The following GAPVD1 variants were observed in gnomAD, a reference collection of about 807,000 sequenced individuals.
The protein encoded by GAPVD1 is GTPase-activating protein and VPS9 domain-containing protein 1.
A neutral mutation model predicts 155.5 loss-of-function variants in GAPVD1; 35 were observed. The ratio of observed to expected loss-of-function variants is 0.23; its 90% CI spans 0.17 to 0.30. GAPVD1 has a LOEUF of 0.30. GAPVD1 is among the 10% of genes least tolerant of loss of function. The pLI is 1.00. For missense variants in GAPVD1, 1,429 were observed against 1,775.7 expected, an observed-to-expected ratio of 0.80 and a Z score of 3.51; for synonymous variants, 636 against 619.7, an observed-to-expected ratio of 1.03 and a Z score of -0.39.
At chr9:125,288,660 A>C (rs1838111684) in intron 2 of GAPVD1, among the ~76,000 whole-genome samples, 1 of 152,158 alleles carries the variant, frequency 6.6e-6, no homozygotes, top group Admixed American at 6.6e-5. Context: ...TACAAGCGTG[A>C]GCCACCAGGC....
chr9:125,337,065 G>A lies in GAPVD1; in HGVS notation c.2476G>A (p.Ala826Thr). ...TCCTTCTCAGTCAGAGTCTCTGCTG[G>A]CCATGTTTGATCCACTGTCTTCACA... ...SPPSQSESLL[A>T]MFDPLSSHEG... Residue 826 changes from alanine to threonine, a missense_variant, in exon 16 of 28, where the codon GCC (alanine) becomes ACC (threonine). By Grantham distance (58) the Ala-to-Thr change is moderately conservative. Around this residue, in one of 4 missense-constraint regions of GAPVD1, gnomAD observed 699 missense variants for 826.0 expected, o/e 0.85. Transcript: ENST00000297933. 1 of 1,613,104 alleles carries A rather than the reference G, an allele frequency of 6.2e-7. No individual in the cohort carries two copies. Among genetic ancestry groups the A allele is most frequent in the South Asian group, 1.1e-5 (1 of 91,046 alleles).
Position 125,366,419 on chromosome 9 carries a change from G to C in GAPVD1, c.*3673G>C, listed in dbSNP as rs1274563140. On this transcript the variant is annotated 3_prime_UTR_variant, in exon 28 of 28. Coordinates refer to ENST00000297933, the MANE Select transcript of GAPVD1 (RefSeq NM_001282680.3). Reference sequence around the variant, plus strand: ...AAGAGGGAAAGTAGGAATACACTCAGAATTATTACTGGATTGCATAAAAGT... The same window carrying C: ...AAGAGGGAAAGTAGGAATACACTCACAATTATTACTGGATTGCATAAAAGT... The C allele has an allele frequency of 1.3e-5, 2 of 152,208 alleles. No individual in the cohort carries two copies. The highest frequency in any genetic ancestry group is 2.9e-5 in the Non-Finnish European group (2 of 68,036). The allele number at this position is 152,208 out of a possible 1,614,324, so 9.4% of individuals were successfully genotyped here.
At chr9:125,295,279 T>C (rs1008709654) in intron 2 of GAPVD1, among the ~76,000 whole-genome samples, 179 bp from the exon 3 acceptor site, 1 of 152,108 alleles carries the variant, frequency 6.6e-6, no homozygotes, top group Non-Finnish European at 1.5e-5. Context: ...TCTTCAGTAT[T>C]GTAAAAATTT....
intron 27 of GAPVD1, among the ~76,000 whole-genome samples, chr9:125,360,953 C>T (rs1334208947): frequency 2.6e-5 from 4 of 152,174 alleles, no homozygotes; most frequent in Non-Finnish European, 4.4e-5. Flanking sequence ...CCTCCATCTC[C>T]TGGGTTCAAG....
At chr9:125,352,839 G>A (rs145202314) in intron 23 of GAPVD1, among the ~76,000 whole-genome samples, 14 of 152,286 alleles carry the variant, frequency 9.2e-5, no homozygotes, top group Admixed American at 9.1e-4. Flanking sequence ...CAGCATGGTA[G>A]CTCATGCCTG....
At chr9:125,333,361 T>G (rs1333631398) in intron 15 of GAPVD1, among the ~76,000 whole-genome samples, 1 of 151,944 alleles carries the variant, frequency 6.6e-6, no homozygotes, top group Non-Finnish European at 1.5e-5. Flanking sequence ...AGTACAGGTG[T>G]GAGCCACCGC....
In GAPVD1 at chr9:125,301,285, G is replaced by C. The variant is rs1025504474; in HGVS notation, c.186-698G>C. 4.6e-5 allele frequency among the ~76,000 whole-genome samples: 7 copies of C among 152,120 alleles called. No homozygotes were observed. In the South Asian group the frequency reaches 1.5e-3, roughly 32 times the overall value. ...GGGTTTCACCATATTTTCCAGGCTGGTCTTGAACTCCTGGGCTCAAGTGAT... is the reference window on the plus strand; with the variant it reads ...GGGTTTCACCATATTTTCCAGGCTGCTCTTGAACTCCTGGGCTCAAGTGAT... On this transcript the variant is annotated intron_variant, in intron 4 of 27. Coordinates refer to ENST00000297933, the MANE Select transcript of GAPVD1 (RefSeq NM_001282680.3).
Position 125,302,830 on chromosome 9 carries a change from T to C in GAPVD1, c.1029+4T>C, listed in dbSNP as rs775618648. The C allele has an allele frequency of 5.7e-6, 9 of 1,581,288 alleles. No individual in the cohort carries two copies. The highest frequency in any genetic ancestry group is 7.7e-6 in the Non-Finnish European group (9 of 1,164,158). Reference sequence around the variant, plus strand: ...AGCACGATTTAATCTGATGCAGGTATGCTTTTGCTATTATTATTAACGTGG... The same window carrying C: ...AGCACGATTTAATCTGATGCAGGTACGCTTTTGCTATTATTATTAACGTGG... On this transcript the variant is annotated splice_donor_region_variant and intron_variant, in intron 5 of 27. Transcript: ENST00000297933.
chr9:125,304,999 T>C (rs900234534), intron 5 of GAPVD1, 64 bp from the exon 6 acceptor site: 67 of 1,032,346 alleles, frequency 6.5e-5, no homozygotes, highest in Non-Finnish European at 9.9e-5. Context: ...CTTGCTTTCA[T>C]AGAGACGTAT....
At chr9:125,286,189 C>T (rs1260789133) in intron 2 of GAPVD1, among the ~76,000 whole-genome samples, 3 of 152,182 alleles carry the variant, frequency 2.0e-5, no homozygotes, top group Admixed American at 6.6e-5. Flanking sequence ...TTATAGCTCA[C>T]TGCAACGTCT....
At chr9:125,275,701 A>G (rs914154707) in intron 2 of GAPVD1, among the ~76,000 whole-genome samples, 1 of 152,144 alleles carries the variant, frequency 6.6e-6, no homozygotes, top group Non-Finnish European at 1.5e-5. Context: ...GGTTGCAGTA[A>G]GCTGTGATCT....
chr9:125,281,723 T>G (rs1297482647), intron 2 of GAPVD1, among the ~76,000 whole-genome samples: 1 of 152,192 alleles, frequency 6.6e-6, no homozygotes, highest in Non-Finnish European at 1.5e-5. Context: ...TTAGATGTTA[T>G]TGTGTAATTT....
At position 125,285,453 on chromosome 9, in the gene GAPVD1, G is replaced by GTTTTT. The variant is rs10659223; in HGVS notation, c.-149-9987_-149-9983dup. ...GGCATAATCTATTTCTTTTTTCTTT[G>GTTTTT]TTTTTTTTTTTTTTTTTTTTTTGAG... On this transcript the variant is annotated intron_variant, in intron 2 of 27. Coordinates refer to ENST00000297933, the MANE Select transcript of GAPVD1 (RefSeq NM_001282680.3). Among the ~76,000 whole-genome samples, 128 of 94,668 alleles carry GTTTTT rather than the reference G, an allele frequency of 1.4e-3. 2 individuals carry two copies. Among genetic ancestry groups the GTTTTT allele is most frequent in the East Asian group, 3.6e-3 (11 of 3,088 alleles). 62.1% of individuals were successfully genotyped at this position (94,668 alleles called of 152,430 possible). A position where few individuals can be genotyped will look rare whatever the true frequency, so the allele number is the denominator to read the frequency against.
chr9:125,272,485 A>C (rs1207708873), intron 2 of GAPVD1, among the ~76,000 whole-genome samples: 1 of 152,156 alleles, frequency 6.6e-6, no homozygotes, highest in African/African-American at 2.4e-5. Flanking sequence ...CTTCTTATTA[A>C]GGCCTCTCTA....
At chr9:125,292,190 T>C (rs2132517643) in intron 2 of GAPVD1, among the ~76,000 whole-genome samples, 1 of 152,244 alleles carries the variant, frequency 6.6e-6, no homozygotes, top group South Asian at 2.1e-4. Flanking sequence ...TGAGCCATGA[T>C]ACCGCCACTG....
chr9:125,300,620 G>C (rs560865605), intron 4 of GAPVD1, among the ~76,000 whole-genome samples: 1 of 152,172 alleles, frequency 6.6e-6, no homozygotes, highest in Admixed American at 6.5e-5. Flanking sequence ...CAGAATAATG[G>C]TTACTTTTTG....
intron 2 of GAPVD1, among the ~76,000 whole-genome samples, chr9:125,292,262 A>G (rs534244254): frequency 6.6e-5 from 10 of 152,148 alleles, no homozygotes; most frequent in Non-Finnish European, 1.3e-4. Flanking sequence ...ATAAGACAAC[A>G]ACAACAAAAG....
At chr9:125,293,870 A>ATATATAAATATATTT (rs1839260173) in intron 2 of GAPVD1, among the ~76,000 whole-genome samples, 1 of 21,026 alleles carries the variant, frequency 4.8e-5, no homozygotes, top group African/African-American at 2.1e-4. Context: ...ATATATATAT[A>ATATATAAATATATTT]TATATATATA....
chr9:125,329,003 G>T (rs1006047146), intron 12 of GAPVD1, among the ~76,000 whole-genome samples: 3 of 151,324 alleles, frequency 2.0e-5, no homozygotes, highest in Admixed American at 1.3e-4. Flanking sequence ...CGTGCCTGCA[G>T]TCGCAGGCAC....
Sources: allele counts gnomAD v4.1 joint callset (sites outside exome capture counted in the v4.1 genomes callset), GRCh38; gene constraint gnomAD v4.1.1; regional missense constraint gnomAD v4.1.1; transcripts MANE v1.5; gene names NCBI Gene and HGNC (gene_info 2026-07-23, HGNC 2026-07-21).